The following WDR19 variants were observed in gnomAD, a reference collection of about 807,000 sequenced individuals.
WDR19 encodes WD repeat-containing protein 19.
Under a neutral mutation model 180.0 loss-of-function variants are expected in WDR19, and 121 were observed. That is an observed-to-expected ratio of 0.67 (90% confidence interval 0.58 to 0.78). The LOEUF (loss-of-function observed/expected upper bound fraction) is 0.78, where lower values mean the gene tolerates loss of function less well. Ranked by LOEUF, WDR19 falls within the 30% of genes least tolerant of loss-of-function variation. The probability of loss-of-function intolerance (pLI) is 0.00; values close to 1 mark genes in which losing one functional copy is unlikely to be tolerated. For synonymous variants in WDR19, 497 were observed against 540.7 expected (o/e 0.92, Z 1.12); for missense variants, 1,450 against 1,640.7 (o/e 0.88, Z 2.01).
chr4:39,280,942 G>GAT (rs1446894854), intron 36 of WDR19, among the ~76,000 whole-genome samples: 1 of 152,046 alleles, frequency 6.6e-6, no homozygotes, highest in Non-Finnish European at 1.5e-5. Flanking sequence ...TTTGCATGTA[G>GAT]ATATCCAGCT....
chr4:39,268,255 C>T (rs1210584227), intron 30 of WDR19, among the ~76,000 whole-genome samples, 164 bp downstream of exon 30: 1 of 152,138 alleles, frequency 6.6e-6, no homozygotes, highest in Non-Finnish European at 1.5e-5. Context: ...AGGGGTTAAA[C>T]AATGTACTAT....
chr4:39,252,448 T>C (rs1349906320), intron 24 of WDR19, among the ~76,000 whole-genome samples: 2 of 151,602 alleles, frequency 1.3e-5, no homozygotes, highest in Admixed American at 1.3e-4. Flanking sequence ...ACATGGCACA[T>C]GTATACATAG....
At chr4:39,237,170 C>T (rs999527033) in intron 20 of WDR19, among the ~76,000 whole-genome samples, 4 of 152,062 alleles carry the variant, frequency 2.6e-5, no homozygotes, top group Non-Finnish European at 4.4e-5. Context: ...TTCTATAAAA[C>T]ATTTTTACAT....
At chr4:39,205,417 A>G in intron 8 of WDR19, 146 bp from the exon 9 acceptor site, 2 of 1,182,382 alleles carry the variant, frequency 1.7e-6, no homozygotes, top group Non-Finnish European at 2.4e-6. Flanking sequence ...AGTATGCAAA[A>G]CTACCTAGTA....
intron 27 of WDR19, 101 bp from the exon 28 acceptor site, chr4:39,257,385 C>G (rs1023480541): frequency 8.9e-7 from 1 of 1,121,218 alleles, no homozygotes; most frequent in African/African-American, 1.6e-5. Flanking sequence ...AAGATACTTT[C>G]ACAGACTGTA....
At position 39,205,741 on chromosome 4, in the gene WDR19, G is replaced by A; in HGVS notation, c.890+5G>A. The A allele has an allele frequency of 6.3e-7, 1 of 1,584,718 alleles. No homozygotes were observed. Among genetic ancestry groups the A allele is most frequent in the Non-Finnish European group, 8.6e-7 (1 of 1,164,512 alleles). On this transcript the variant is annotated splice_donor_5th_base_variant and intron_variant, in intron 9 of 36. Coordinates refer to ENST00000399820, the MANE Select transcript of WDR19 (RefSeq NM_025132.4). ...TGCTACATGTGGAGATAACTGGTAA[G>A]TTATTTTCACATATTTTTAGGAAAG...
At chr4:39,260,028 C>T (rs901539391) in intron 28 of WDR19, among the ~76,000 whole-genome samples, 1 of 151,728 alleles carries the variant, frequency 6.6e-6, no homozygotes, top group African/African-American at 2.4e-5. Flanking sequence ...TTTTCATCTC[C>T]CTTCCCCTCC....
chr4:39,239,715 C>T (rs1324440881), intron 20 of WDR19, among the ~76,000 whole-genome samples: 1 of 152,150 alleles, frequency 6.6e-6, no homozygotes, highest in Non-Finnish European at 1.5e-5. Context: ...GCATACCACA[C>T]AGTAAGTACC....
intron 24 of WDR19, among the ~76,000 whole-genome samples, chr4:39,252,015 C>T (rs1298302054): frequency 6.6e-6 from 1 of 152,114 alleles, no homozygotes; most frequent in African/African-American, 2.4e-5. Context: ...TAGGTATATA[C>T]GCAAAGGATT....
intron 17 of WDR19, among the ~76,000 whole-genome samples, chr4:39,229,217 T>C (rs984317693): frequency 3.3e-5 from 5 of 152,176 alleles, no homozygotes; most frequent in African/African-American, 1.2e-4. Flanking sequence ...TGATGGACAC[T>C]TAAGTTGATT....
intron 31 of WDR19, among the ~76,000 whole-genome samples, chr4:39,271,729 G>C (rs1735402282): frequency 6.6e-6 from 1 of 151,990 alleles, no homozygotes; most frequent in Admixed American, 6.6e-5. Context: ...ATGCTAAATT[G>C]GTTCTCTGAC....
At chr4:39,281,137 A>G (rs1304590769) in intron 36 of WDR19, among the ~76,000 whole-genome samples, 1 of 149,786 alleles carries the variant, frequency 6.7e-6, no homozygotes, top group Non-Finnish European at 1.5e-5. Flanking sequence ...TGAGGTTTTG[A>G]TTTTGATGAA....
At chr4:39,205,488 G>A in intron 8 of WDR19, 75 bp from the exon 9 acceptor site, 1 of 1,467,382 alleles carries the variant, frequency 6.8e-7, no homozygotes, top group Non-Finnish European at 9.2e-7. Context: ...TAATTTTAAG[G>A]TACTTGCTAA....
chr4:39,205,513 A>G, intron 8 of WDR19, 50 bp from the exon 9 acceptor site: 1 of 1,563,374 alleles, frequency 6.4e-7, no homozygotes, highest in East Asian at 2.3e-5. Flanking sequence ...CCATGTTGCC[A>G]CTGATAGCTA....
Position 39,253,126 on chromosome 4 carries a change from TC to T in WDR19, c.2730-19del. 1.3e-6 allele frequency: 2 copies of T among 1,554,462 alleles called. No homozygotes were observed. Among genetic ancestry groups the T allele is most frequent in the Non-Finnish European group, 1.7e-6 (2 of 1,156,040 alleles). On this transcript the variant is annotated intron_variant, in intron 24 of 36. Coordinates refer to ENST00000399820, the MANE Select transcript of WDR19 (RefSeq NM_025132.4). ...AATTGACAGTGTTAAAAAAAGTTTA[TC>T]TGAGCTATTTTTTTACAGATACAAA... is the stretch of plus-strand genomic sequence containing the variant.
intron 1 of WDR19, 35 bp downstream of exon 1, chr4:39,182,598 A>C: frequency 6.2e-7 from 1 of 1,612,948 alleles, no homozygotes; most frequent in South Asian, 1.1e-5. Flanking sequence ...GTGGGGCGGG[A>C]AAACGCGACT....
intron 24 of WDR19, among the ~76,000 whole-genome samples, chr4:39,252,118 A>T (rs1376574909): frequency 6.6e-6 from 1 of 151,996 alleles, no homozygotes; most frequent in Non-Finnish European, 1.5e-5. Flanking sequence ...CAAATGTCCA[A>T]CAATGATAGA....
chr4:39,221,917 T>C (rs1729747546), intron 14 of WDR19, among the ~76,000 whole-genome samples: 1 of 152,230 alleles, frequency 6.6e-6, no homozygotes, highest in Admixed American at 6.5e-5. Context: ...TATCCAAGAA[T>C]TATAGGTGAA....
In WDR19 at chr4:39,215,871, G is replaced by T; in HGVS notation, c.992G>T (p.Gly331Val). ...GLGTLSWTDD[G>V]QLLALSTQRG... ...GGTACCTTGTCCTGGACTGATGATG[G>T]CCAGTTGCTAGCACTCTCTACCCAA... Residue 331 changes from glycine to valine, a missense_variant, in exon 11 of 37, where the codon GGC becomes GTC. Gly to Val is a moderately radical substitution (Grantham distance 109). Coordinates refer to ENST00000399820, the MANE Select transcript of WDR19 (RefSeq NM_025132.4). The T allele has an allele frequency of 6.2e-7, 1 of 1,613,438 alleles. No homozygotes were observed. The highest frequency in any genetic ancestry group is 2.2e-5 in the East Asian group (1 of 44,864).
Sources: allele counts gnomAD v4.1 joint callset (sites outside exome capture counted in the v4.1 genomes callset), GRCh38; gene constraint gnomAD v4.1.1; transcripts MANE v1.5; gene names NCBI Gene and HGNC (gene_info 2026-07-23, HGNC 2026-07-21).